Variants in ADAMTS17 observed in about 807,000 individuals in gnomAD.
ADAMTS17 encodes the protein A disintegrin and metalloproteinase with thrombospondin motifs 17.
A neutral mutation model predicts 141.5 loss-of-function variants in ADAMTS17; 113 were observed. The ratio of observed to expected loss-of-function variants is 0.80; its 90% CI spans 0.69 to 0.93. The LOEUF is 0.93. ADAMTS17 is among the 40% of genes least tolerant of loss of function. The pLI is 0.00. For synonymous variants in ADAMTS17, 768 were observed against 630.6 expected, an observed-to-expected ratio of 1.22 and a Z score of -3.27; for missense variants, 1,659 against 1,517.9, an observed-to-expected ratio of 1.09 and a Z score of -1.54.
At position 99,993,284 on chromosome 15, in the gene ADAMTS17, G is replaced by A; in HGVS notation, c.2797-84C>T. The A allele has an allele frequency of 6.4e-7, 1 of 1,555,992 alleles. No individual in the cohort carries two copies. Among genetic ancestry groups the A allele is most frequent in the Admixed American group, 1.7e-5 (1 of 59,932 alleles). On this transcript the variant is annotated intron_variant, in intron 19 of 21. Coordinates refer to ENST00000268070, the MANE Select transcript of ADAMTS17 (RefSeq NM_139057.4). This position sits in a 1 kb window ranked among gnomAD's most constrained non-coding sequence, Gnocchi z 4.3. Reference sequence around the variant, plus strand: ...GCTATTAACTCCCTCCAATGTGCCAGGTGCGGTGTGGGGATGATACAAAGA... The same window carrying A: ...GCTATTAACTCCCTCCAATGTGCCAAGTGCGGTGTGGGGATGATACAAAGA...
Position 99,971,542 on chromosome 15 carries a change from G to A in ADAMTS17, c.*2860C>T, listed in dbSNP as rs932095692. 1.4e-4 allele frequency: 22 copies of A among 151,836 alleles called. No homozygotes were observed. The highest frequency in any genetic ancestry group is 3.9e-4 in the East Asian group (2 of 5,168). 9.4% of individuals were successfully genotyped at this position (151,836 alleles called of 1,614,324 possible). ...TAATGGCGTCCAATGTTTGTCTTCC[G>A]TTTTTTTTCCTTTCAAAACCAGCCC... On this transcript the variant is annotated 3_prime_UTR_variant, in exon 22 of 22. Coordinates refer to ENST00000268070, the MANE Select transcript of ADAMTS17 (RefSeq NM_139057.4).
At position 100,109,094 on chromosome 15, in the gene ADAMTS17, G is replaced by A. The variant is rs765926691; in HGVS notation, c.1911C>T (p.Cys637=). The change falls in exon 14 of 22, where the codon TGC becomes TGT. Residue 637 remains cysteine (C), a synonymous_variant. Coordinates refer to ENST00000268070, the MANE Select transcript of ADAMTS17 (RefSeq NM_139057.4). ...VVDDKPCELY[C]SPLGKESPLL... is the part of the protein sequence containing the mutation. ...GTGGGGACTCCTTCCCGAGGGGCGA[G>A]CAGTAGAGTTCACATGGCTTATCTG... 3.2e-5 allele frequency: 52 copies of A among 1,613,304 alleles called. No homozygotes were observed. Among genetic ancestry groups the A allele is most frequent in the Admixed American group, 1.2e-4 (7 of 59,942 alleles).
chr15:100,138,966 A>AG (rs2038480634), intron 10 of ADAMTS17, among the ~76,000 whole-genome samples: 1 of 152,210 alleles, frequency 6.6e-6, no homozygotes, highest in African/African-American at 2.4e-5. Flanking sequence ...TCCCGGTAAT[A>AG]GGGGAAGAGA....
chr15:100,014,241 T>C (rs188018776), intron 18 of ADAMTS17, among the ~76,000 whole-genome samples: 1 of 152,338 alleles, frequency 6.6e-6, no homozygotes, highest in East Asian at 1.9e-4. Context: ...TCTCCTATTT[T>C]ATTTCTTAAT....
rs527842718 is a variant in ADAMTS17, at chr15:100,061,258, G to A, written c.2138-7204C>T. 1.6e-3 allele frequency among the ~76,000 whole-genome samples: 249 copies of A among 152,272 alleles called. 2 individuals carry two copies. Among genetic ancestry groups the A allele is most frequent in the African/African-American group, 5.0e-3 (209 of 41,552 alleles). On this transcript the variant is annotated intron_variant, in intron 15 of 21. Transcript: ENST00000268070. ...TCTGAGAGGCTCCATGAACGGCAGCGAAATCAGAGGAGGTGGAGACCCTGG... is the reference window on the plus strand; with the variant it reads ...TCTGAGAGGCTCCATGAACGGCAGCAAAATCAGAGGAGGTGGAGACCCTGG...
chr15:100,213,943 T>C (rs1192490312), intron 7 of ADAMTS17, among the ~76,000 whole-genome samples: 2 of 152,336 alleles, frequency 1.3e-5, no homozygotes, highest in East Asian at 3.9e-4. Context: ...ATGGTAGCTC[T>C]TTTTTTCTCC....
intron 7 of ADAMTS17, among the ~76,000 whole-genome samples, chr15:100,217,684 T>C (rs1479846401): frequency 2.0e-5 from 3 of 152,212 alleles, no homozygotes; most frequent in African/African-American, 7.2e-5. Context: ...GTACAAGTGA[T>C]AAAAAATGAC....
chr15:100,205,899 C>T (rs887270152), intron 7 of ADAMTS17, among the ~76,000 whole-genome samples: 5 of 152,134 alleles, frequency 3.3e-5, no homozygotes, highest in Non-Finnish European at 7.3e-5. Flanking sequence ...GACAGCTGTG[C>T]CAGGGACCGA....
chr15:100,285,843 G>A (rs1213067906), intron 3 of ADAMTS17, among the ~76,000 whole-genome samples: 1 of 152,196 alleles, frequency 6.6e-6, no homozygotes, highest in African/African-American at 2.4e-5. Flanking sequence ...GTCTTACCAA[G>A]ATCTTCTAGG....
At chr15:100,049,339 G>C (rs2031961734) in intron 17 of ADAMTS17, among the ~76,000 whole-genome samples, 1 of 152,196 alleles carries the variant, frequency 6.6e-6, no homozygotes, top group Non-Finnish European at 1.5e-5. Flanking sequence ...GATGTTTAAA[G>C]TCTATGGAGA....
At chr15:100,314,933 C>T (rs1278773613) in intron 3 of ADAMTS17, among the ~76,000 whole-genome samples, 1 of 152,208 alleles carries the variant, frequency 6.6e-6, no homozygotes, top group African/African-American at 2.4e-5. Context: ...GAGGAGCCGA[C>T]CGTCCCTGGA....
At chr15:100,137,940 C>T (rs2038422372) in intron 10 of ADAMTS17, among the ~76,000 whole-genome samples, 1 of 152,136 alleles carries the variant, frequency 6.6e-6, no homozygotes, top group South Asian at 2.1e-4. Context: ...TCACTGCCAA[C>T]ACCAATGCCC....
chr15:100,079,056 G>A (rs1166506406), intron 15 of ADAMTS17, among the ~76,000 whole-genome samples: 1 of 152,180 alleles, frequency 6.6e-6, no homozygotes, highest in East Asian at 1.9e-4. Context: ...ACAAAAAACA[G>A]TAAGTTGGAG....
intron 7 of ADAMTS17, among the ~76,000 whole-genome samples, chr15:100,229,657 C>G (rs1464307951): frequency 1.3e-5 from 2 of 152,172 alleles, no homozygotes; most frequent in Admixed American, 6.5e-5. Context: ...CCAGAGGCAA[C>G]CACTCAAAGG....
intron 15 of ADAMTS17, among the ~76,000 whole-genome samples, chr15:100,087,229 A>G (rs1200726229): frequency 1.3e-5 from 2 of 152,246 alleles, no homozygotes; most frequent in African/African-American, 4.8e-5. Context: ...AATAAACTAG[A>G]AAATCTAGAA....
At chr15:100,235,641 G>A (rs1015263854) in intron 7 of ADAMTS17, among the ~76,000 whole-genome samples, 4 of 152,218 alleles carry the variant, frequency 2.6e-5, no homozygotes, top group African/African-American at 9.7e-5. Flanking sequence ...TTTTGCTGAT[G>A]CTGTGGTCTG....
chr15:100,128,790 T>C (rs886622971), intron 12 of ADAMTS17: 1 of 152,204 alleles, frequency 6.6e-6, no homozygotes, highest in African/African-American at 2.4e-5. Flanking sequence ...GGGTGGTGTT[T>C]AGGATCCCCC....
At chr15:100,037,269 G>GT (rs139508120) in intron 18 of ADAMTS17, among the ~76,000 whole-genome samples, 7,000 of 152,224 alleles carry the variant, frequency 0.046, 332 homozygotes, top group African/African-American at 0.12. Context: ...TGATCATATG[G>GT]TTTGATTGGC....
At chr15:100,229,091 C>T (rs897511989) in intron 7 of ADAMTS17, among the ~76,000 whole-genome samples, 9 of 152,292 alleles carry the variant, frequency 5.9e-5, no homozygotes, top group African/African-American at 1.9e-4. Context: ...ACCACTGGTT[C>T]CAAGCCTGGG....
Sources: gnomAD v4.1 joint callset for allele counts (sites outside exome capture counted in the v4.1 genomes callset) on GRCh38, gnomAD v4.1.1 for gene constraint, Gnocchi (gnomAD v3.1) non-coding constraint, MANE v1.5 for transcripts, NCBI Gene and HGNC (gene_info 2026-07-23, HGNC 2026-07-21) for gene names.